Variants in CEP112 observed in about 807,000 individuals in gnomAD.
The protein encoded by CEP112 is centrosomal protein of 112 kDa.
A neutral mutation model predicts 153.0 loss-of-function variants in CEP112; 127 were observed. The observed-to-expected ratio is 0.83, with a 90% CI of 0.72 to 0.96. The LOEUF is 0.96. Ranked by LOEUF, CEP112 falls within the 40% of genes least tolerant of loss-of-function variation. The pLI, the probability that CEP112 is intolerant of heterozygous loss-of-function variation, is 0.00. For missense variants in CEP112, 1,089 were observed against 1,101.2 expected (o/e 0.99, Z 0.16); for synonymous variants, 358 against 374.4 (o/e 0.96, Z 0.51).
chr17:65,658,109 T>A (rs866371441), intron 24 of CEP112, among the ~76,000 whole-genome samples: 1 of 152,236 alleles, frequency 6.6e-6, no homozygotes, highest in Non-Finnish European at 1.5e-5. Flanking sequence ...AATTCTTACA[T>A]ACAATTTGGA....
chr17:65,749,440 G>A (rs1006966382), intron 22 of CEP112, among the ~76,000 whole-genome samples: 1 of 151,964 alleles, frequency 6.6e-6, no homozygotes. Flanking sequence ...TCAGGGAGGT[G>A]GAGCTTGCAG....
At chr17:65,923,318 C>T (rs1345897300) in intron 19 of CEP112, among the ~76,000 whole-genome samples, 1 of 152,112 alleles carries the variant, frequency 6.6e-6, no homozygotes, top group African/African-American at 2.4e-5. Context: ...TTTTACATTG[C>T]ATATAAATTG....
intron 23 of CEP112, among the ~76,000 whole-genome samples, chr17:65,721,040 C>G (rs953454797): frequency 1.5e-5 from 2 of 134,276 alleles, no homozygotes; most frequent in Non-Finnish European, 3.1e-5. Context: ...GAGACGGAGT[C>G]TCGCTCTGTT....
chr17:65,831,556 C>CAA (rs773211558), intron 21 of CEP112, among the ~76,000 whole-genome samples: 2 of 87,406 alleles, frequency 2.3e-5, no homozygotes, highest in African/African-American at 8.5e-5. Flanking sequence ...GACTCCTTCT[C>CAA]AAAAAAAAAA....
intron 1 of CEP112, among the ~76,000 whole-genome samples, chr17:66,188,406 C>A (rs184857893): frequency 2.8e-5 from 4 of 141,118 alleles, no homozygotes; most frequent in Admixed American, 7.2e-5. Context: ...AACCCCCCCC[C>A]ACCCCCGAGC....
intron 11 of CEP112, 144 bp downstream of exon 11, chr17:66,062,819 A>C (rs2066973179): frequency 2.3e-6 from 1 of 428,714 alleles, no homozygotes; most frequent in Admixed American, 4.4e-5. Context: ...AAACATGAAC[A>C]GTAGCTATTT....
intron 8 of CEP112, among the ~76,000 whole-genome samples, 195 bp from the exon 9 acceptor site, chr17:66,070,196 TAA>T (rs1166100321): frequency 2.0e-5 from 3 of 152,162 alleles, no homozygotes; most frequent in African/African-American, 4.8e-5. Flanking sequence ...TCAAACTAGT[TAA>T]AAGTCTTTAA....
intron 21 of CEP112, among the ~76,000 whole-genome samples, chr17:65,756,405 C>CA (rs766476895): frequency 0.04 from 1,210 of 30,438 alleles, 149 homozygotes; most frequent in African/African-American, 0.07. Context: ...GACTCCGTCT[C>CA]AAAAAAAAAA....
chr17:66,144,640 C>T (rs1436242234), intron 4 of CEP112, among the ~76,000 whole-genome samples: 1 of 152,160 alleles, frequency 6.6e-6, no homozygotes, highest in East Asian at 1.9e-4. Context: ...TTGCAGTGAG[C>T]TGAAATCGCA....
At chr17:66,067,113 G>A (rs1487133137) in intron 9 of CEP112, among the ~76,000 whole-genome samples, 1 of 151,986 alleles carries the variant, frequency 6.6e-6, no homozygotes, top group African/African-American at 2.4e-5. Context: ...AGATGCGTGT[G>A]TTTTTGTGTA....
chr17:66,015,879 T>C lies in CEP112; in HGVS notation c.1657-10110A>G, dbSNP rs554688349. 6.6e-4 allele frequency among the ~76,000 whole-genome samples: 100 copies of C among 152,356 alleles called. 1 individual carries two copies. The highest frequency in any genetic ancestry group is 4.3e-3 in the Admixed American group (66 of 15,302). ...TTCAGAAATATCAGTTGTTATATAC[T>C]GGTTTTCTATTTTCTGCCTTAATAT... On this transcript the variant is annotated intron_variant, in intron 16 of 26. Coordinates refer to ENST00000535342, the MANE Select transcript of CEP112 (RefSeq NM_001199165.4).
intron 23 of CEP112, among the ~76,000 whole-genome samples, chr17:65,707,978 G>C (rs2048998690): frequency 6.6e-6 from 1 of 152,204 alleles, no homozygotes. Context: ...TAACAGTGTA[G>C]TTGAAAATGT....
At chr17:66,169,107 C>T (rs2072126124) in intron 4 of CEP112, among the ~76,000 whole-genome samples, 1 of 151,948 alleles carries the variant, frequency 6.6e-6, no homozygotes, top group Non-Finnish European at 1.5e-5. Context: ...CTCAGGCATT[C>T]TTTATAACAA....
At chr17:65,821,490 A>T (rs894971994) in intron 21 of CEP112, among the ~76,000 whole-genome samples, 1 of 131,328 alleles carries the variant, frequency 7.6e-6, no homozygotes, top group Non-Finnish European at 1.6e-5. Context: ...AAACTTATAT[A>T]TATAATTATA....
intron 24 of CEP112, among the ~76,000 whole-genome samples, chr17:65,683,665 A>G (rs552457433): frequency 2.9e-4 from 44 of 152,312 alleles, no homozygotes; most frequent in African/African-American, 9.6e-4. Flanking sequence ...TCCTTCCCAT[A>G]GGATCAGGGA....
At chr17:65,803,851 T>A (rs2145845538) in intron 21 of CEP112, among the ~76,000 whole-genome samples, 1 of 152,334 alleles carries the variant, frequency 6.6e-6, no homozygotes, top group Middle Eastern at 3.4e-3. Context: ...TTATGAATCA[T>A]GAGCATTTCT....
At chr17:65,679,129 CTTTTTTT>C (rs57907674) in intron 24 of CEP112, among the ~76,000 whole-genome samples, 7 of 31,624 alleles carry the variant, frequency 2.2e-4, no homozygotes, top group Non-Finnish European at 3.0e-4. Flanking sequence ...GTGGTTCAAG[CTTTTTTT>C]TTTTTTTTTT....
intron 18 of CEP112, among the ~76,000 whole-genome samples, chr17:65,950,206 TTA>T (rs2061776492): frequency 6.6e-6 from 1 of 152,190 alleles, no homozygotes; most frequent in African/African-American, 2.4e-5. Context: ...TATTGCTGTT[TTA>T]ATTTTTTTTA....
rs73992236 is a variant in CEP112 at position 66,090,793 on chromosome 17, A to C, written c.768+5458T>G. Among the ~76,000 whole-genome samples the C allele has an allele frequency of 6.9e-3, 1,046 of 152,240 alleles. 14 individuals are homozygous for C. Among genetic ancestry groups the C allele is most frequent in the African/African-American group, 0.023 (973 of 41,576 alleles). On this transcript the variant is annotated intron_variant, in intron 8 of 26. Coordinates refer to ENST00000535342, the MANE Select transcript of CEP112 (RefSeq NM_001199165.4). ...AAAATTCAACTATATGCTTCCTATA[A>C]GAAATTCATTTCATGTTTAAGAACC...
Sources: allele counts gnomAD v4.1 joint callset (sites outside exome capture counted in the v4.1 genomes callset), GRCh38; gene constraint gnomAD v4.1.1; transcripts MANE v1.5; gene names NCBI Gene and HGNC (gene_info 2026-07-23, HGNC 2026-07-21).